FSTL5: variants seen among roughly 807,000 people sequenced by gnomAD.
FSTL5 encodes the protein follistatin-related protein 5.
In FSTL5, 62 loss-of-function variants were observed where a neutral mutation model predicts 89.1. The ratio of observed to expected loss-of-function variants is 0.70; its 90% CI spans 0.57 to 0.86. The LOEUF is 0.86. Among genes scored for constraint, FSTL5 ranks in the 40% least tolerant of loss-of-function variants. The pLI, the probability that FSTL5 is intolerant of heterozygous loss-of-function variation, is 0.00. For synonymous variants in FSTL5, 383 were observed against 346.2 expected (o/e 1.11, Z -1.18); for missense variants, 1,057 against 1,001.6 (o/e 1.06, Z -0.75).
At chr4:161,449,560 A>T (rs1733080994) in intron 15 of FSTL5, among the ~76,000 whole-genome samples, 1 of 152,058 alleles carries the variant, frequency 6.6e-6, no homozygotes, top group African/African-American at 2.4e-5. Flanking sequence ...TATAAATCAT[A>T]AGTCATCTCC....
chr4:161,592,784 A>G (rs1733870650), intron 7 of FSTL5, among the ~76,000 whole-genome samples: 1 of 152,060 alleles, frequency 6.6e-6, no homozygotes, highest in Admixed American at 6.5e-5. Flanking sequence ...TTTGGGTATA[A>G]CCCAGCAATG....
At chr4:161,824,576 T>C (rs933744239) in intron 4 of FSTL5, among the ~76,000 whole-genome samples, 3 of 152,192 alleles carry the variant, frequency 2.0e-5, no homozygotes, top group African/African-American at 7.2e-5. Context: ...GAGCATGGGA[T>C]ATGTTTCTAT....
At chr4:162,159,927 C>T (rs62331322) in intron 1 of FSTL5, among the ~76,000 whole-genome samples, 79,903 of 151,418 alleles carry the variant, frequency 0.53, 21,239 homozygotes, top group Admixed American at 0.59. Context: ...GCATTCTAGC[C>T]GAAATAAAAA....
rs1560800275 is a variant in FSTL5 at position 161,705,973 on chromosome 4, TATATATATATATATATATATATAC to T, written c.728-49503_728-49480del. 4.5e-3 allele frequency among the ~76,000 whole-genome samples: 376 copies of T among 83,116 alleles called. 16 individuals carry two copies. The highest frequency in any genetic ancestry group is 0.011 in the African/African-American group (207 of 19,468). The allele number at this position is 83,116 out of a possible 152,430, so 54.5% of individuals were successfully genotyped here. A position where few individuals can be genotyped will look rare whatever the true frequency, so the allele number is the denominator to read the frequency against. ...GTGTGTATATATATATATATATATA[TATATATATATATATATATATATAC>T]ACACATCTACACACACACAGACTAT... is the stretch of plus-strand genomic sequence containing the variant. On this transcript the variant is annotated intron_variant, in intron 6 of 15. Coordinates refer to ENST00000306100, the MANE Select transcript of FSTL5 (RefSeq NM_020116.5).
At chr4:161,392,131 A>C (rs1386129584) in intron 15 of FSTL5, among the ~76,000 whole-genome samples, 5 of 152,216 alleles carry the variant, frequency 3.3e-5, no homozygotes, top group African/African-American at 1.2e-4. Flanking sequence ...GTACATTCAA[A>C]GTGTCCAGTT....
intron 8 of FSTL5, among the ~76,000 whole-genome samples, chr4:161,581,469 G>A (rs374729605): frequency 2.6e-5 from 4 of 152,180 alleles, no homozygotes; most frequent in Admixed American, 1.3e-4. Flanking sequence ...TAGCTAGGAC[G>A]GTTTACCACA....
At chr4:161,799,212 A>T (rs761805136) in intron 4 of FSTL5, among the ~76,000 whole-genome samples, 17 of 151,590 alleles carry the variant, frequency 1.1e-4, no homozygotes, top group Non-Finnish European at 2.1e-4. Flanking sequence ...ACATGTGAAG[A>T]GCTTGCGGCA....
In FSTL5 at chr4:161,862,547, A is replaced by G. The variant is rs533594299; in HGVS notation, c.409+57857T>C. Among the ~76,000 whole-genome samples, 34 of 152,204 alleles carry G rather than the reference A, an allele frequency of 2.2e-4. No homozygotes were observed. The South Asian group carries it at 2.9e-3, about 13-fold the overall frequency. On this transcript the variant is annotated intron_variant, in intron 4 of 15. Coordinates refer to ENST00000306100, the MANE Select transcript of FSTL5 (RefSeq NM_020116.5). ...CAAGAGATAGAGACCATCCCAGACAACATGGTGAAACCCTGTCTCTACTAA... is the reference window on the plus strand; with the variant it reads ...CAAGAGATAGAGACCATCCCAGACAGCATGGTGAAACCCTGTCTCTACTAA...
chr4:162,053,954 C>T (rs575216522), intron 2 of FSTL5, among the ~76,000 whole-genome samples: 1 of 151,722 alleles, frequency 6.6e-6, no homozygotes, highest in Non-Finnish European at 1.5e-5. Flanking sequence ...TTCCTCATCT[C>T]ATTTGATGAA....
chr4:161,582,349 T>G (rs552378477), intron 8 of FSTL5, among the ~76,000 whole-genome samples: 16 of 152,336 alleles, frequency 1.1e-4, no homozygotes, highest in Non-Finnish European at 1.9e-4. Flanking sequence ...AAACCAGTTT[T>G]AGAGATTTGT....
At chr4:161,522,860 T>C (rs543644265) in intron 10 of FSTL5, among the ~76,000 whole-genome samples, 13 of 151,910 alleles carry the variant, frequency 8.6e-5, no homozygotes, top group African/African-American at 1.7e-4. Context: ...ATAAAAAATA[T>C]CTCATTTATT....
chr4:161,889,567 C>T (rs1579171057), intron 4 of FSTL5, among the ~76,000 whole-genome samples: 1 of 152,128 alleles, frequency 6.6e-6, no homozygotes, highest in East Asian at 1.9e-4. Flanking sequence ...TCACTTGAAC[C>T]CAGGATGCGG....
chr4:161,907,045 T>C (rs1733556820), intron 4 of FSTL5, among the ~76,000 whole-genome samples: 1 of 152,082 alleles, frequency 6.6e-6, no homozygotes, highest in South Asian at 2.1e-4. Flanking sequence ...GTCGTGTAAA[T>C]GTTTCCACTT....
intron 6 of FSTL5, among the ~76,000 whole-genome samples, chr4:161,668,007 G>A (rs143847994): frequency 1.5e-4 from 22 of 150,792 alleles, no homozygotes; most frequent in African/African-American, 4.1e-4. Flanking sequence ...AAGTATGCAG[G>A]GTAAAAGAAA....
chr4:162,010,192 A>C (rs1736720708), intron 3 of FSTL5, among the ~76,000 whole-genome samples: 1 of 152,116 alleles, frequency 6.6e-6, no homozygotes, highest in Non-Finnish European at 1.5e-5. Context: ...AATGTATCAC[A>C]AACTATTTTC....
chr4:161,458,616 C>T (rs1307458093), intron 14 of FSTL5, among the ~76,000 whole-genome samples: 1 of 152,204 alleles, frequency 6.6e-6, no homozygotes, highest in Non-Finnish European at 1.5e-5. Flanking sequence ...ATATAAAGCA[C>T]ATTTCCAGGG....
rs1348412823 is a variant in FSTL5, at chr4:161,985,408, A to T, written c.160+48217T>A. Among the ~76,000 whole-genome samples the T allele has an allele frequency of 3.3e-5, 5 of 152,198 alleles. No homozygotes were observed. In the South Asian group the frequency reaches 6.2e-4, roughly 19 times the overall value. On this transcript the variant is annotated intron_variant, in intron 3 of 15. Transcript: ENST00000306100. ...GAACTAGTTTTTTTGAAAAGTTTAT[A>T]TTATTCATAAGACAAATTTGTGATT...
At chr4:162,053,357 T>C (rs1738442915) in intron 2 of FSTL5, among the ~76,000 whole-genome samples, 1 of 151,812 alleles carries the variant, frequency 6.6e-6, no homozygotes, top group Admixed American at 6.6e-5. Flanking sequence ...TAAGTTAAAA[T>C]GGTCTTTTTT....
intron 3 of FSTL5, among the ~76,000 whole-genome samples, chr4:162,003,143 C>CA (rs547140369): frequency 1.3e-4 from 19 of 149,850 alleles, no homozygotes; most frequent in African/African-American, 3.2e-4. Flanking sequence ...GACTCCGTCT[C>CA]AAAAAAAAAG....
Sources: allele counts gnomAD v4.1 joint callset (sites outside exome capture counted in the v4.1 genomes callset), GRCh38; gene constraint gnomAD v4.1.1; transcripts MANE v1.5; gene names NCBI Gene and HGNC (gene_info 2026-07-23, HGNC 2026-07-21).